Variants in SLC17A1 observed in about 807,000 individuals in gnomAD.
The protein encoded by SLC17A1 is sodium-dependent phosphate transport protein 1.
Under a neutral mutation model 53.5 loss-of-function variants are expected in SLC17A1, and 51 were observed. The observed-to-expected ratio is 0.95, with a 90% CI of 0.76 to 1.20. The LOEUF (loss-of-function observed/expected upper bound fraction) is 1.20, where lower values mean the gene tolerates loss of function less well. Ranked by LOEUF, SLC17A1 falls within the 50% of genes most tolerant of loss-of-function variation. The pLI is 0.00. For missense variants in SLC17A1, 538 were observed against 568.2 expected (o/e 0.95, Z 0.54); for synonymous variants, 179 against 198.8 (o/e 0.90, Z 0.84).
At chr6:25,811,796 G>A (rs762655288) in intron 8 of SLC17A1, 26 bp from the exon 9 acceptor site, 2 of 1,613,004 alleles carry the variant, frequency 1.2e-6, no homozygotes, top group Non-Finnish European at 8.5e-7. Flanking sequence ...TATTCTTGGA[G>A]TGAGTTTGAT....
chr6:25,812,690 G>A, intron 8 of SLC17A1, 141 bp downstream of exon 8: 1 of 631,474 alleles, frequency 1.6e-6, no homozygotes, highest in Non-Finnish European at 2.7e-6. Context: ...AGAAAGAGCA[G>A]AAACAGTTAG....
chr6:25,822,331 G>T (rs577307005), intron 3 of SLC17A1, among the ~76,000 whole-genome samples: 30 of 152,020 alleles, frequency 2.0e-4, no homozygotes, highest in Middle Eastern at 3.4e-3. Flanking sequence ...CTTGTGGTCT[G>T]GCCATGTCTA....
chr6:25,779,145 A>T (rs373911151), downstream of SLC17A1: 8 of 1,613,792 alleles, frequency 5.0e-6, no homozygotes, highest in African/African-American at 1.1e-4. Flanking sequence ...GGCCGAGCAG[A>T]TGTGCAGGAC....
At chr6:25,802,278 G>C (rs1041489090) in intron 10 of SLC17A1, among the ~76,000 whole-genome samples, 1 of 152,012 alleles carries the variant, frequency 6.6e-6, no homozygotes, top group South Asian at 2.1e-4. Flanking sequence ...TAGGCCATAG[G>C]TACCATATCT....
intron 6 of SLC17A1, among the ~76,000 whole-genome samples, chr6:25,813,892 AT>A (rs1193450420): frequency 2.6e-5 from 4 of 152,186 alleles, no homozygotes; most frequent in Non-Finnish European, 5.9e-5. Context: ...AGCTCCATCC[AT>A]TTCCCTGCAA....
At chr6:25,750,790 G>C in the SLC17A1 span, among the ~76,000 whole-genome samples, 110 of 151,732 alleles carry the variant, frequency 7.2e-4, no homozygotes, top group African/African-American at 2.5e-3. Context: ...GTGTGTGGGG[G>C]GAGGGGGGTG....
chr6:25,726,450 A>G, the SLC17A1 span: 1 of 1,613,952 alleles, frequency 6.2e-7, no homozygotes, highest in Non-Finnish European at 8.5e-7. Flanking sequence ...GGCCTACGGG[A>G]AACTGCAAAC....
At chr6:25,762,157 A>G in the SLC17A1 span, 1 of 932,628 alleles carries the variant, frequency 1.1e-6, no homozygotes, top group Non-Finnish European at 1.6e-6. Flanking sequence ...TTTTGTTGAT[A>G]CACATCATTT....
chr6:25,829,745 G>A (rs186714511), intron 2 of SLC17A1, among the ~76,000 whole-genome samples: 7 of 152,178 alleles, frequency 4.6e-5, no homozygotes, highest in East Asian at 3.9e-4. Context: ...AGAGTAAAAT[G>A]TGCATCTGTA....
intron 12 of SLC17A1, among the ~76,000 whole-genome samples, chr6:25,791,849 C>A (rs546738691): frequency 6.6e-6 from 1 of 152,216 alleles, no homozygotes; most frequent in African/African-American, 2.4e-5. Context: ...GTGAAGTGAC[C>A]GAGTCCATTT....
At chr6:25,785,838 T>C (rs760848665) in intron 12 of SLC17A1, among the ~76,000 whole-genome samples, 15 of 152,162 alleles carry the variant, frequency 9.9e-5, no homozygotes, top group Non-Finnish European at 1.6e-4. Flanking sequence ...CAAGTGTTGA[T>C]GAGGATATGG....
intron 12 of SLC17A1, among the ~76,000 whole-genome samples, chr6:25,790,996 A>G (rs1163155097): frequency 1.3e-5 from 2 of 152,210 alleles, no homozygotes; most frequent in African/African-American, 4.8e-5. Flanking sequence ...ATGAATAAAA[A>G]TCAGATTCAG....
chr6:25,769,022 G>A, the SLC17A1 span: 1 of 1,613,966 alleles, frequency 6.2e-7, no homozygotes, highest in East Asian at 2.2e-5. Context: ...CCCTCATCTT[G>A]CAGCTCTGTA....
the SLC17A1 span, among the ~76,000 whole-genome samples, chr6:25,763,049 G>C: frequency 6.6e-6 from 1 of 152,144 alleles, no homozygotes; most frequent in Non-Finnish European, 1.5e-5. Flanking sequence ...TGCCATTTAT[G>C]AGCTCATTAT....
the SLC17A1 span, among the ~76,000 whole-genome samples, chr6:25,740,144 C>G: frequency 1.3e-5 from 2 of 152,114 alleles, no homozygotes; most frequent in African/African-American, 4.8e-5. Context: ...CTAGGGAAAA[C>G]AAAGCCAGAG....
Position 25,819,859 on chromosome 6 carries a change from G to A in SLC17A1, c.264C>T (p.Ser88=). The A allele has an allele frequency of 6.2e-7, 1 of 1,613,986 alleles. No individual in the cohort carries two copies. Among genetic ancestry groups the A allele is most frequent in the South Asian group, 1.1e-5 (1 of 91,038 alleles). Residue 88 remains serine (S), a synonymous_variant, in exon 4 of 13, where the codon TCC becomes TCT. Transcript: ENST00000244527. The part of the protein sequence containing the change: ...DIQGIILSST[S]YGVIIIQVPV... ...GAACTTGGATGATGATGACACCATA[G>A]GAGGTGGAACTCAAGATGATTCCCT...
chr6:25,816,756 A>G (rs763248583), intron 6 of SLC17A1, among the ~76,000 whole-genome samples: 2 of 152,266 alleles, frequency 1.3e-5, no homozygotes, highest in Admixed American at 6.5e-5. Flanking sequence ...TTGAGACAGA[A>G]GACAGGGAAA....
At chr6:25,724,592 T>C in the SLC17A1 span, among the ~76,000 whole-genome samples, 3 of 152,252 alleles carry the variant, frequency 2.0e-5, no homozygotes, top group African/African-American at 4.8e-5. Context: ...AAAAGTATTA[T>C]GTAGTGCATT....
chr6:25,827,671 A>T (rs530426764), intron 2 of SLC17A1, among the ~76,000 whole-genome samples: 71 of 152,248 alleles, frequency 4.7e-4, no homozygotes, highest in Non-Finnish European at 6.8e-4. Flanking sequence ...GATCTCTCCT[A>T]ACTGCATAAT....
Sources: allele counts gnomAD v4.1 joint callset (sites outside exome capture counted in the v4.1 genomes callset), GRCh38; gene constraint gnomAD v4.1.1; transcripts MANE v1.5; gene names NCBI Gene and HGNC (gene_info 2026-07-23, HGNC 2026-07-21).